The following NTRK3 variants were observed in gnomAD, a reference collection of about 807,000 sequenced individuals.
NTRK3 encodes the protein NT-3 growth factor receptor.
In NTRK3, 24 loss-of-function variants were observed where a neutral mutation model predicts 91.7. The observed-to-expected ratio is 0.26, with a 90% confidence interval of 0.19 to 0.37. The LOEUF (loss-of-function observed/expected upper bound fraction) is 0.37. Among genes scored for constraint, NTRK3 ranks in the 10% least tolerant of loss-of-function variants. The pLI, the probability that NTRK3 is intolerant of heterozygous loss-of-function variation, is 1.00. For synonymous variants in NTRK3, 483 were observed against 404.0 expected (o/e 1.20, Z -2.34); for missense variants, 880 against 1,068.9 (o/e 0.82, Z 2.46).
intron 5 of NTRK3, among the ~76,000 whole-genome samples, chr15:88,179,839 G>A (rs966469151): frequency 3.3e-5 from 5 of 152,200 alleles, no homozygotes; most frequent in Non-Finnish European, 7.4e-5. Context: ...AGAGCAAGGG[G>A]ATAAAAGAGG....
chr15:87,955,748 C>T (rs2071589769), intron 14 of NTRK3, among the ~76,000 whole-genome samples: 1 of 152,182 alleles, frequency 6.6e-6, no homozygotes, highest in South Asian at 2.1e-4. Context: ...GAAAAGAGGC[C>T]AGTTCAACAA....
intron 5 of NTRK3, among the ~76,000 whole-genome samples, chr15:88,161,360 C>T (rs2044439766): frequency 6.6e-6 from 1 of 152,118 alleles, no homozygotes; most frequent in South Asian, 2.1e-4. Context: ...GAGTCTGTGC[C>T]CTTTACTACC....
At chr15:87,860,661 G>A (rs186723011) in exon 19 of NTRK3, 2 of 207,590 alleles carry the variant, frequency 9.6e-6, no homozygotes, top group East Asian at 7.3e-5. Flanking sequence ...GGAATGAAGG[G>A]AACAGCACCT....
intron 6 of NTRK3, among the ~76,000 whole-genome samples, chr15:88,142,347 C>T (rs907465673): frequency 6.6e-6 from 1 of 152,276 alleles, no homozygotes; most frequent in Non-Finnish European, 1.5e-5. Flanking sequence ...CTTACCAACA[C>T]CCGGCACTTG....
chr15:88,172,071 G>C lies in NTRK3; in HGVS notation c.395+11347C>G, dbSNP rs545458327. 8.8e-4 allele frequency among the ~76,000 whole-genome samples: 134 copies of C among 152,328 alleles called. 1 individual carries two copies. Among genetic ancestry groups the C allele is most frequent in the Non-Finnish European group, 1.6e-3 (111 of 68,034 alleles). On this transcript the variant is annotated intron_variant, in intron 5 of 18. Transcript: ENST00000394480. ...TGACTTACTCCATCTGGGAGACCCAGTACCCTTTAAACCCAGAACAATCGC... is the reference window on the plus strand; with the variant it reads ...TGACTTACTCCATCTGGGAGACCCACTACCCTTTAAACCCAGAACAATCGC...
intron 14 of NTRK3, among the ~76,000 whole-genome samples, chr15:88,025,962 G>A (rs2078000756): frequency 6.6e-6 from 1 of 151,904 alleles, no homozygotes; most frequent in African/African-American, 2.4e-5. Context: ...GTCTCAAAAA[G>A]AAATAAAATA....
chr15:87,915,712 T>C (rs1001284919), intron 17 of NTRK3, among the ~76,000 whole-genome samples: 1 of 152,236 alleles, frequency 6.6e-6, no homozygotes, highest in Non-Finnish European at 1.5e-5. Context: ...ATTTCTGATA[T>C]ATAATTTCTA....
intron 3 of NTRK3, among the ~76,000 whole-genome samples, chr15:88,202,329 C>G (rs560214969): frequency 6.6e-6 from 1 of 152,206 alleles, no homozygotes; most frequent in Non-Finnish European, 1.5e-5. Flanking sequence ...TCTCTCCTGG[C>G]CTTTCCCTTC....
rs557054725 is a variant in NTRK3, at chr15:87,965,069, A to T, written c.1586-24316T>A. On this transcript the variant is annotated intron_variant, in intron 14 of 18. Transcript: ENST00000394480. ...AAATTGCAAATGCAATCTTATTTTT[A>T]AAAAAAGGTAGCAAAGTAATGTGTA... Among the ~76,000 whole-genome samples the T allele has an allele frequency of 3.4e-4, 52 of 152,326 alleles. No individual in the cohort carries two copies. In the South Asian group the frequency reaches 8.1e-3, roughly 24 times the overall value.
intron 14 of NTRK3, among the ~76,000 whole-genome samples, chr15:88,009,252 A>G (rs754321233): frequency 1.3e-5 from 2 of 152,232 alleles, no homozygotes; most frequent in East Asian, 3.8e-4. Context: ...TATATGCAGA[A>G]CACTTTGCAT....
At chr15:88,067,484 G>A (rs1164378398) in intron 13 of NTRK3, among the ~76,000 whole-genome samples, 1 of 152,090 alleles carries the variant, frequency 6.6e-6, no homozygotes, top group Non-Finnish European at 1.5e-5. Context: ...CAGTTCCCAG[G>A]GGGATGGGTT....
intron 15 of NTRK3, among the ~76,000 whole-genome samples, chr15:87,939,403 T>G (rs1005964757): frequency 2.0e-5 from 3 of 152,170 alleles, no homozygotes; most frequent in Non-Finnish European, 2.9e-5. Context: ...AGAAGTTGAG[T>G]GTTTTGTGAA....
exon 19 of NTRK3, chr15:87,860,051 A>G (rs1449588559): frequency 4.9e-6 from 1 of 206,032 alleles, no homozygotes; most frequent in African/African-American, 2.3e-5. Context: ...AAAAACCAAG[A>G]AAAGAGTTCG....
At chr15:88,124,749 T>C (rs2053108860) in intron 13 of NTRK3, among the ~76,000 whole-genome samples, 1 of 152,194 alleles carries the variant, frequency 6.6e-6, no homozygotes, top group South Asian at 2.1e-4. Flanking sequence ...AGATAAGACA[T>C]CTCCAATCTA....
chr15:87,976,199 C>G (rs1438498011), intron 14 of NTRK3, among the ~76,000 whole-genome samples: 1 of 152,206 alleles, frequency 6.6e-6, no homozygotes, highest in Non-Finnish European at 1.5e-5. Context: ...CCTGTTCCAA[C>G]TCTTTCTCCT....
chr15:88,152,363 G>C (rs900885909), intron 5 of NTRK3, among the ~76,000 whole-genome samples: 1 of 152,214 alleles, frequency 6.6e-6, no homozygotes, highest in African/African-American at 2.4e-5. Flanking sequence ...TGTATTTGGA[G>C]ATGGGATTTT....
At chr15:87,953,110 A>C (rs1481012475) in intron 14 of NTRK3, among the ~76,000 whole-genome samples, 1 of 152,056 alleles carries the variant, frequency 6.6e-6, no homozygotes, top group Non-Finnish European at 1.5e-5. Flanking sequence ...TTTCCCCCAC[A>C]CCAGATGTTA....
chr15:87,952,642 C>T (rs961179744), intron 14 of NTRK3, among the ~76,000 whole-genome samples: 4 of 152,230 alleles, frequency 2.6e-5, no homozygotes, highest in African/African-American at 9.6e-5. Flanking sequence ...TTATTCCCGG[C>T]ACCATCTCCT....
At chr15:87,950,862 T>C (rs564103776) in intron 14 of NTRK3, among the ~76,000 whole-genome samples, 1 of 152,336 alleles carries the variant, frequency 6.6e-6, no homozygotes, top group South Asian at 2.1e-4. Context: ...GCTTACTGCA[T>C]GGAGTTTTGA....
Sources: gnomAD v4.1 joint callset for allele counts (sites outside exome capture counted in the v4.1 genomes callset) on GRCh38, gnomAD v4.1.1 for gene constraint, MANE v1.5 for transcripts, NCBI Gene and HGNC (gene_info 2026-07-23, HGNC 2026-07-21) for gene names.